CNTNAP2: variants seen among roughly 807,000 people sequenced by gnomAD.
CNTNAP2 encodes the protein contactin-associated protein-like 2.
Under a neutral mutation model 155.2 loss-of-function variants are expected in CNTNAP2, and 98 were observed. The ratio of observed to expected loss-of-function variants is 0.63; its 90% CI spans 0.54 to 0.75. The LOEUF (loss-of-function observed/expected upper bound fraction) is 0.75. Ranked by LOEUF, CNTNAP2 falls within the 30% of genes least tolerant of loss-of-function variation. The probability of loss-of-function intolerance (pLI) is 0.00; values close to 1 mark genes in which losing one functional copy is unlikely to be tolerated. For synonymous variants in CNTNAP2, 651 were observed against 631.2 expected, an observed-to-expected ratio of 1.03 and a Z score of -0.47; for missense variants, 1,727 against 1,688.1, an observed-to-expected ratio of 1.02 and a Z score of -0.40.
chr7:148,366,280 A>ATGTG (rs1225116869), intron 21 of CNTNAP2, among the ~76,000 whole-genome samples: 9 of 122,584 alleles, frequency 7.3e-5, no homozygotes, highest in African/African-American at 2.4e-4. Flanking sequence ...ACATGTATAT[A>ATGTG]TGTATGTGTA....
intron 2 of CNTNAP2, among the ~76,000 whole-genome samples, chr7:146,779,434 C>G (rs1271133706): frequency 2.0e-5 from 3 of 152,118 alleles, no homozygotes; most frequent in Non-Finnish European, 2.9e-5. Flanking sequence ...GAACCCAACA[C>G]TCTTTATATG....
At chr7:148,338,467 C>G (rs1450741446) in intron 21 of CNTNAP2, among the ~76,000 whole-genome samples, 6 of 152,020 alleles carry the variant, frequency 3.9e-5, no homozygotes, top group African/African-American at 1.4e-4. Flanking sequence ...TGGACAAACT[C>G]TTCCCTCCCC....
At position 147,784,058 on chromosome 7, in the gene CNTNAP2, G is replaced by A. The variant is rs181684809; in HGVS notation, c.2099-119507G>A. On this transcript the variant is annotated intron_variant, in intron 13 of 23. Coordinates refer to ENST00000361727, the MANE Select transcript of CNTNAP2 (RefSeq NM_014141.6). ...CCTTAGAGTTCCTTGATTTGTAGAT[G>A]CATCACTTCAATCTCTGCCTTTGTG... Among the ~76,000 whole-genome samples, 289 of 152,106 alleles carry A rather than the reference G, an allele frequency of 1.9e-3. 1 individual carries two copies. The highest frequency in any genetic ancestry group is 6.5e-3 in the African/African-American group (269 of 41,502).
chr7:147,911,130 C>T (rs1232533790), intron 14 of CNTNAP2, among the ~76,000 whole-genome samples: 1 of 152,150 alleles, frequency 6.6e-6, no homozygotes. Context: ...CCCTCTCCTC[C>T]TAGCCCCTGG....
chr7:147,986,867 TTTTG>T (rs1801626506), intron 15 of CNTNAP2, among the ~76,000 whole-genome samples: 2 of 101,534 alleles, frequency 2.0e-5, no homozygotes, highest in East Asian at 3.3e-4. Flanking sequence ...TTGTTATGTT[TTTTG>T]TTTGTGTGTG....
Position 148,061,967 on chromosome 7 carries a change from A to G in CNTNAP2, c.2384-56151A>G, listed in dbSNP as rs894227080. 1.7e-4 allele frequency among the ~76,000 whole-genome samples: 20 copies of G among 115,482 alleles called. No individual in the cohort carries two copies. The East Asian group carries it at 4.3e-3, about 25-fold the overall frequency. The allele number at this position is 115,482 out of a possible 152,430, so 75.8% of individuals were successfully genotyped here. Reference sequence around the variant, plus strand: ...TAGATAAACAGATATAGATAGATAGATAGATAGATAGATAGATAGATAGAT... The same window carrying G: ...TAGATAAACAGATATAGATAGATAGGTAGATAGATAGATAGATAGATAGAT... On this transcript the variant is annotated intron_variant, in intron 15 of 23. Coordinates refer to ENST00000361727, the MANE Select transcript of CNTNAP2 (RefSeq NM_014141.6).
At chr7:147,611,476 G>A (rs1801183651) in intron 12 of CNTNAP2, among the ~76,000 whole-genome samples, 1 of 152,084 alleles carries the variant, frequency 6.6e-6, no homozygotes, top group Non-Finnish European at 1.5e-5. Context: ...CTCTACAATG[G>A]AATAAAAACA....
rs537600505 is a variant in CNTNAP2 at position 147,279,391 on chromosome 7, C to T, written c.1349-20750C>T. Among the ~76,000 whole-genome samples the T allele has an allele frequency of 1.1e-4, 16 of 151,792 alleles. No individual in the cohort carries two copies. The South Asian group carries it at 2.7e-3, about 26-fold the overall frequency. On this transcript the variant is annotated intron_variant, in intron 8 of 23. Transcript: ENST00000361727. ...AATTCATTATTTCTCATAATAAATG[C>T]TCAGTAAATATTTGATGAACTTAGG...
chr7:146,388,712 A>G (rs988890125), intron 1 of CNTNAP2, among the ~76,000 whole-genome samples: 4 of 152,028 alleles, frequency 2.6e-5, no homozygotes, highest in African/African-American at 9.7e-5. Context: ...CATTCTTCCT[A>G]TTATTTTTTT....
At chr7:147,624,237 A>G (rs1427760045) in intron 12 of CNTNAP2, among the ~76,000 whole-genome samples, 1 of 152,166 alleles carries the variant, frequency 6.6e-6, no homozygotes, top group Admixed American at 6.6e-5. Context: ...ATAGGCAACC[A>G]AAGCAAAAAT....
intron 15 of CNTNAP2, among the ~76,000 whole-genome samples, chr7:147,991,207 T>C (rs1344316759): frequency 6.6e-6 from 1 of 152,188 alleles, no homozygotes. Context: ...CCATTGTCCC[T>C]AACAGTAGAC....
At chr7:146,615,490 T>C (rs1799209162) in intron 1 of CNTNAP2, among the ~76,000 whole-genome samples, 1 of 152,220 alleles carries the variant, frequency 6.6e-6, no homozygotes, top group African/African-American at 2.4e-5. Flanking sequence ...GGAAAAGTCA[T>C]GCTCAGATAT....
At chr7:146,667,534 A>T (rs6954014) in intron 1 of CNTNAP2, among the ~76,000 whole-genome samples, 122,891 of 151,918 alleles carry the variant, frequency 0.81, 50,314 homozygotes, top group South Asian at 0.91. Flanking sequence ...TTTATAGAGA[A>T]GGCATTCACT....
intron 2 of CNTNAP2, among the ~76,000 whole-genome samples, chr7:146,795,114 T>C (rs930724063): frequency 3.9e-5 from 6 of 152,192 alleles, no homozygotes; most frequent in East Asian, 1.9e-4. Flanking sequence ...ATAACTATTT[T>C]CCCCTAAATC....
intron 18 of CNTNAP2, among the ~76,000 whole-genome samples, chr7:148,178,796 A>C (rs190708968): frequency 1.8e-4 from 27 of 152,344 alleles, no homozygotes; most frequent in African/African-American, 6.0e-4. Flanking sequence ...GTCCAACAGC[A>C]AATGTCCTTT....
At chr7:146,582,263 A>AT (rs1199830925) in intron 1 of CNTNAP2, among the ~76,000 whole-genome samples, 1 of 152,146 alleles carries the variant, frequency 6.6e-6, no homozygotes, top group African/African-American at 2.4e-5. Flanking sequence ...TGTCGTTTGC[A>AT]TGCATATAGA....
chr7:148,123,686 A>AGG (rs1474670092), intron 16 of CNTNAP2, among the ~76,000 whole-genome samples: 110 of 146,828 alleles, frequency 7.5e-4, no homozygotes, highest in African/African-American at 2.5e-3. Flanking sequence ...GAAGGAAGGA[A>AGG]AAAGAAAGAG....
At chr7:147,912,268 C>T (rs1294765778) in intron 14 of CNTNAP2, among the ~76,000 whole-genome samples, 6 of 152,164 alleles carry the variant, frequency 3.9e-5, no homozygotes, top group Admixed American at 3.9e-4. Flanking sequence ...ATTCCAATTA[C>T]ACCCAAGCAC....
chr7:148,198,562 G>A (rs1443870795), intron 18 of CNTNAP2, among the ~76,000 whole-genome samples: 1 of 152,168 alleles, frequency 6.6e-6, no homozygotes, highest in Non-Finnish European at 1.5e-5. Context: ...TGAGGATTGT[G>A]ACCGTATGTG....
Sources: gnomAD v4.1 joint callset for allele counts (sites outside exome capture counted in the v4.1 genomes callset) on GRCh38, gnomAD v4.1.1 for gene constraint, MANE v1.5 for transcripts, NCBI Gene and HGNC (gene_info 2026-07-23, HGNC 2026-07-21) for gene names.